The following CDH23 variants were observed in gnomAD, a reference collection of about 807,000 sequenced individuals.
The protein encoded by CDH23 is cadherin related 23.
In CDH23, 189 loss-of-function variants were observed where a neutral mutation model predicts 317.1. The observed-to-expected ratio is 0.60, with a 90% CI of 0.53 to 0.67. The LOEUF is 0.67. Ranked by LOEUF, CDH23 falls within the 30% of genes least tolerant of loss-of-function variation. The probability of loss-of-function intolerance (pLI) is 0.00; values close to 1 mark genes in which losing one functional copy is unlikely to be tolerated. For missense variants in CDH23, 4,401 were observed against 4,592.4 expected (o/e 0.96, Z 1.20); for synonymous variants, 1,839 against 1,876.8 (o/e 0.98, Z 0.52).
intron 1 of CDH23, among the ~76,000 whole-genome samples, chr10:71,419,874 G>C (rs1200188802): frequency 6.6e-6 from 1 of 152,154 alleles, no homozygotes; most frequent in Non-Finnish European, 1.5e-5. Flanking sequence ...AGTGGGCCAA[G>C]AAGGGGAGCA....
chr10:71,704,273 G>C (rs1454323863), intron 24 of CDH23, among the ~76,000 whole-genome samples: 1 of 152,118 alleles, frequency 6.6e-6, no homozygotes, highest in South Asian at 2.1e-4. Flanking sequence ...ATCCACTTCA[G>C]TAAAACATTC....
intron 38 of CDH23, among the ~76,000 whole-genome samples, chr10:71,759,276 G>T (rs1231052224): frequency 6.6e-6 from 1 of 151,800 alleles, no homozygotes; most frequent in Non-Finnish European, 1.5e-5. Context: ...GGCCTCAAGC[G>T]ATCTGCCTGC....
chr10:71,634,273 G>A (rs370010421), intron 11 of CDH23, among the ~76,000 whole-genome samples: 2 of 152,262 alleles, frequency 1.3e-5, no homozygotes, highest in East Asian at 1.9e-4. Context: ...AGAAGGAGGG[G>A]CAGGACAGTC....
intron 1 of CDH23, among the ~76,000 whole-genome samples, chr10:71,427,732 A>G (rs1380812904): frequency 7.8e-6 from 1 of 128,700 alleles, no homozygotes; most frequent in Non-Finnish European, 1.6e-5. Context: ...TTTTTTTTTT[A>G]GATGGAGTCT....
chr10:71,427,231 A>AAGAAAGAAAG, intron 1 of CDH23, among the ~76,000 whole-genome samples: 1 of 73,014 alleles, frequency 1.4e-5, no homozygotes, highest in Admixed American at 1.3e-4. Flanking sequence ...GAAAGAAAGA[A>AAGAAAGAAAG]AGAAAGAAAG....
intron 38 of CDH23, among the ~76,000 whole-genome samples, chr10:71,765,308 C>A (rs1250077380): frequency 2.6e-5 from 4 of 152,246 alleles, no homozygotes; most frequent in African/African-American, 4.8e-5. Flanking sequence ...AGCACACATA[C>A]CTTGGGGGCT....
intron 14 of CDH23, among the ~76,000 whole-genome samples, chr10:71,652,436 T>C (rs2132612750): frequency 6.6e-6 from 1 of 152,216 alleles, no homozygotes; most frequent in African/African-American, 2.4e-5. Flanking sequence ...CCCATTGCAG[T>C]GATGTGGTGT....
chr10:71,731,561 A>C (rs1203511002), intron 31 of CDH23, among the ~76,000 whole-genome samples: 3 of 152,150 alleles, frequency 2.0e-5, no homozygotes, highest in Non-Finnish European at 4.4e-5. Flanking sequence ...GGTGTCCCTG[A>C]CACTGAAGCC....
At chr10:71,434,257 C>T (rs1013009104) in intron 1 of CDH23, among the ~76,000 whole-genome samples, 2 of 152,210 alleles carry the variant, frequency 1.3e-5, no homozygotes, top group African/African-American at 2.4e-5. Flanking sequence ...CTCCTTCTTT[C>T]CCAGGGCACC....
chr10:71,543,776 C>T (rs763503527), intron 6 of CDH23, among the ~76,000 whole-genome samples: 48 of 152,326 alleles, frequency 3.2e-4, no homozygotes, highest in Non-Finnish European at 6.2e-4. Context: ...TCTTACCAGC[C>T]ACCCCACCCC....
chr10:71,510,864 C>T (rs1402557032), intron 4 of CDH23, 90 bp from the exon 5 acceptor site: 1 of 1,296,448 alleles, frequency 7.7e-7, no homozygotes, highest in Non-Finnish European at 1.1e-6. Flanking sequence ...CTAGGGCAAT[C>T]CTGGAGCCCC....
At chr10:71,609,151 G>A (rs1024108370) in intron 9 of CDH23, among the ~76,000 whole-genome samples, 1 of 151,958 alleles carries the variant, frequency 6.6e-6, no homozygotes, top group African/African-American at 2.4e-5. Context: ...AAGGGGGGTA[G>A]CCTTCCAGCC....
intron 9 of CDH23, among the ~76,000 whole-genome samples, chr10:71,583,608 C>T (rs1023958555): frequency 6.6e-6 from 1 of 152,130 alleles, no homozygotes; most frequent in Non-Finnish European, 1.5e-5. Context: ...TGGGTGAGGG[C>T]AGAGCTCTGT....
intron 22 of CDH23, among the ~76,000 whole-genome samples, chr10:71,700,336 G>A (rs1398401642): frequency 3.9e-5 from 6 of 152,168 alleles, no homozygotes; most frequent in East Asian, 3.9e-4. Context: ...ACAGTGAGCC[G>A]AGATTGCACC....
intron 6 of CDH23, among the ~76,000 whole-genome samples, chr10:71,545,731 G>A (rs931440540): frequency 6.6e-6 from 1 of 152,130 alleles, no homozygotes; most frequent in Non-Finnish European, 1.5e-5. Context: ...CTGGTGAGAA[G>A]GGCCACAAAG....
chr10:71,634,491 A>G (rs979996239), intron 11 of CDH23, among the ~76,000 whole-genome samples: 4 of 152,278 alleles, frequency 2.6e-5, no homozygotes, highest in African/African-American at 9.6e-5. Flanking sequence ...TCTGATGAGA[A>G]TGGCAGACCT....
At chr10:71,434,197 G>T (rs376687505) in intron 1 of CDH23, among the ~76,000 whole-genome samples, 1 of 152,292 alleles carries the variant, frequency 6.6e-6, no homozygotes, top group African/African-American at 2.4e-5. Context: ...TCCTGCGAGT[G>T]CATGCTCATA....
chr10:71,630,870 G>A (rs1006486747), intron 11 of CDH23, among the ~76,000 whole-genome samples: 8 of 152,188 alleles, frequency 5.3e-5, no homozygotes, highest in Admixed American at 5.2e-4. Context: ...GCTCTCAGGA[G>A]CCTCTAGAAC....
intron 1 of CDH23, among the ~76,000 whole-genome samples, chr10:71,428,344 G>A (rs1309857721): frequency 6.6e-6 from 1 of 151,646 alleles, no homozygotes; most frequent in Non-Finnish European, 1.5e-5. Flanking sequence ...CACCATGTTG[G>A]TCAGGCTGGT....
Sources: allele counts gnomAD v4.1 joint callset (sites outside exome capture counted in the v4.1 genomes callset), GRCh38; gene constraint gnomAD v4.1.1; transcripts MANE v1.5; gene names NCBI Gene and HGNC (gene_info 2026-07-23, HGNC 2026-07-21).